Variants in OTUD7B observed in about 807,000 individuals in gnomAD.
The protein encoded by OTUD7B is OTU domain-containing protein 7B.
A neutral mutation model predicts 82.2 loss-of-function variants in OTUD7B; 34 were observed. The observed-to-expected ratio is 0.41, with a 90% CI of 0.31 to 0.55. The LOEUF is 0.55. OTUD7B is among the 20% of genes least tolerant of loss of function. OTUD7B has a pLI of 0.20. For synonymous variants in OTUD7B, 398 were observed against 402.7 expected, an observed-to-expected ratio of 0.99 and a Z score of 0.14; for missense variants, 944 against 1,062.1, an observed-to-expected ratio of 0.89 and a Z score of 1.55.
At chr1:150,052,363 T>C in the OTUD7B span, among the ~76,000 whole-genome samples, 1 of 152,120 alleles carries the variant, frequency 6.6e-6, no homozygotes, top group Admixed American at 6.6e-5. Context: ...AGCACTCCTA[T>C]ACACCAACAA....
At chr1:150,000,398 G>A (rs1308943613) in intron 1 of OTUD7B, among the ~76,000 whole-genome samples, 2 of 151,640 alleles carry the variant, frequency 1.3e-5, no homozygotes, top group African/African-American at 2.4e-5. Flanking sequence ...TCACTTGAAC[G>A]CTGGAGGTAG....
the OTUD7B span, among the ~76,000 whole-genome samples, chr1:150,035,688 T>C: frequency 1.3e-5 from 2 of 152,154 alleles, no homozygotes; most frequent in Admixed American, 6.5e-5. Flanking sequence ...GGTAGGGGGA[T>C]AATCCTTATT....
intron 11 of OTUD7B, among the ~76,000 whole-genome samples, chr1:149,945,997 T>G (rs1647688717): frequency 6.7e-6 from 1 of 149,642 alleles, no homozygotes; most frequent in Non-Finnish European, 1.5e-5. Context: ...GAGGCGGAGG[T>G]TGCAATAAGC....
In OTUD7B at chr1:149,938,112, T is replaced by A. The variant is rs2092737963; in HGVS notation, c.*5745A>T. 6.6e-6 allele frequency: 1 copy of A among 152,320 alleles called. No individual in the cohort carries two copies. The highest frequency in any genetic ancestry group is 2.1e-4 in the South Asian group (1 of 4,824). 9.4% of individuals were successfully genotyped at this position (152,320 alleles called of 1,614,324 possible). A position where few individuals can be genotyped will look rare whatever the true frequency, so the allele number is the denominator to read the frequency against. ...CACCACCCCACCTGCCCCTAATGCA[T>A]TCCATGGGCCTCAACCTCTTGGGGG... On this transcript the variant is annotated 3_prime_UTR_variant, in exon 12 of 12. Coordinates refer to ENST00000581312, the MANE Select transcript of OTUD7B (RefSeq NM_020205.4).
At chr1:149,992,349 G>T (rs1262564115) in intron 1 of OTUD7B, among the ~76,000 whole-genome samples, 1 of 152,002 alleles carries the variant, frequency 6.6e-6, no homozygotes, top group Non-Finnish European at 1.5e-5. Context: ...TAGCAAGAGG[G>T]TAGGACAAGA....
intron 1 of OTUD7B, among the ~76,000 whole-genome samples, chr1:149,984,970 C>T (rs1200696861): frequency 6.6e-6 from 1 of 152,204 alleles, no homozygotes; most frequent in Non-Finnish European, 1.5e-5. Flanking sequence ...AGCTCCCTAA[C>T]TCCTCCCTCT....
the OTUD7B span, among the ~76,000 whole-genome samples, chr1:150,049,630 T>TCA: frequency 9.2e-6 from 1 of 108,156 alleles, no homozygotes; most frequent in Admixed American, 1.0e-4. Context: ...TCTCTCTCTC[T>TCA]TTCTTTTTTT....
intron 1 of OTUD7B, among the ~76,000 whole-genome samples, chr1:150,005,651 T>C (rs2101941990): frequency 1.5e-5 from 1 of 67,500 alleles, no homozygotes; most frequent in African/African-American, 6.2e-5. Flanking sequence ...TGTGGACACT[T>C]CTGCCCATTC....
rs1553775275 is a variant in OTUD7B at position 149,959,724 on chromosome 1, G to T, written c.805C>A (p.Pro269Thr). The change falls in exon 7 of 12, where the codon CCC becomes ACC. Residue 269 changes from proline to threonine, a missense_variant. Coordinates refer to ENST00000581312, the MANE Select transcript of OTUD7B (RefSeq NM_020205.4). ...CCATTGGTACCTAGATGCATTCGGG[G>T]TTCACTTGAGGCAAGCTTGATCAGT... ...NELIKLASSE[P>T]RMHLGTNGAN... The T allele has an allele frequency of 8.7e-6, 14 of 1,613,932 alleles. No homozygotes were observed. The highest frequency in any genetic ancestry group is 1.2e-5 in the Non-Finnish European group (14 of 1,179,856).
At chr1:149,950,276 G>C in intron 7 of OTUD7B, 55 bp from the exon 8 acceptor site, 1 of 1,579,264 alleles carries the variant, frequency 6.3e-7, no homozygotes, top group South Asian at 1.1e-5. Context: ...TGAGAGAGTA[G>C]AAACAGGAGA....
the OTUD7B span, among the ~76,000 whole-genome samples, chr1:150,019,012 C>G: frequency 6.6e-6 from 1 of 152,120 alleles, no homozygotes; most frequent in Non-Finnish European, 1.5e-5. Flanking sequence ...TAGCCTATTC[C>G]TATGGAATAC....
chr1:150,051,691 A>G, the OTUD7B span, among the ~76,000 whole-genome samples: 6 of 152,184 alleles, frequency 3.9e-5, no homozygotes, highest in Non-Finnish European at 7.4e-5. Context: ...AGGTTAATTC[A>G]GATATCTGTA....
At chr1:150,031,270 A>G in the OTUD7B span, among the ~76,000 whole-genome samples, 1 of 152,198 alleles carries the variant, frequency 6.6e-6, no homozygotes, top group East Asian at 1.9e-4. Flanking sequence ...TCTGGTGACA[A>G]CTACCTGCAT....
intron 11 of OTUD7B, 53 bp from the exon 12 acceptor site, chr1:149,945,118 G>T: frequency 6.4e-7 from 1 of 1,568,228 alleles, no homozygotes; most frequent in South Asian, 1.2e-5. Flanking sequence ...TGGGGTGGGG[G>T]AATCCCCCAG....
the OTUD7B span, among the ~76,000 whole-genome samples, chr1:150,060,947 G>A: frequency 1.6e-3 from 235 of 151,306 alleles, 2 homozygotes; most frequent in African/African-American, 4.8e-3. Flanking sequence ...TTCTGAGACC[G>A]GGTCTTGCTG....
the OTUD7B span, among the ~76,000 whole-genome samples, chr1:150,051,437 T>C: frequency 6.6e-6 from 1 of 152,096 alleles, no homozygotes; most frequent in African/African-American, 2.4e-5. Flanking sequence ...CCTGTCCATG[T>C]AAAACTCTGT....
intron 1 of OTUD7B, among the ~76,000 whole-genome samples, chr1:150,002,144 T>A (rs1260490436): frequency 1.3e-5 from 2 of 152,160 alleles, no homozygotes; most frequent in Admixed American, 1.3e-4. Flanking sequence ...ATTTGGGATG[T>A]AGGCTCAAAA....
upstream of OTUD7B, among the ~76,000 whole-genome samples, chr1:150,012,094 AAAGTC>A (rs1653097713): frequency 6.6e-6 from 1 of 152,232 alleles, no homozygotes. Context: ...GTTGACAAGT[AAAGTC>A]ATTTGGCGTG....
the OTUD7B span, among the ~76,000 whole-genome samples, chr1:150,065,849 G>GTTTTTTTTTTTTTTTTTTTTTTTTTTTT: frequency 6.6e-6 from 1 of 151,532 alleles, no homozygotes. Flanking sequence ...TGTTCAAAAT[G>GTTTTTTTTTTTTTTTTTTTTTTTTTTTT]TTTATGTTCC....
Sources: allele counts gnomAD v4.1 joint callset (sites outside exome capture counted in the v4.1 genomes callset), GRCh38; gene constraint gnomAD v4.1.1; transcripts MANE v1.5; gene names NCBI Gene and HGNC (gene_info 2026-07-23, HGNC 2026-07-21).